The following BMX variants were observed in gnomAD, a reference collection of about 807,000 sequenced individuals.
The protein encoded by BMX is cytoplasmic tyrosine-protein kinase BMX.
BMX carries 31 observed loss-of-function variants against 59.2 expected under a neutral mutation model. The observed-to-expected ratio is 0.52, with a 90% CI of 0.39 to 0.71. The LOEUF (loss-of-function observed/expected upper bound fraction) is 0.71, where lower values mean the gene tolerates loss of function less well. Ranked by LOEUF, BMX falls within the 30% of genes least tolerant of loss-of-function variation. The pLI is 0.00. For missense variants in BMX, 474 were observed against 491.7 expected, an observed-to-expected ratio of 0.96 and a Z score of 0.34; for synonymous variants, 185 against 181.0, an observed-to-expected ratio of 1.02 and a Z score of -0.18.
chrX:15,527,247 AATATATAT>A (rs34046926), intron 9 of BMX, among the ~76,000 whole-genome samples: 23 of 56,362 alleles, frequency 4.1e-4, no homozygotes, highest in African/African-American at 6.2e-4. Context: ...CACACACACA[AATATATAT>A]ATATATATAT....
chrX:15,525,473 A>G, intron 8 of BMX, 108 bp downstream of exon 8: 9 of 787,122 alleles, frequency 1.1e-5, no homozygotes, highest in Non-Finnish European at 1.7e-5. Flanking sequence ...TAAGGTAAAT[A>G]TAAACCAAAA....
intron 6 of BMX, among the ~76,000 whole-genome samples, chrX:15,518,737 G>A (rs186013044): frequency 1.7e-3 from 192 of 111,095 alleles, no homozygotes; most frequent in Non-Finnish European, 2.8e-3. Context: ...AGGAAGATGA[G>A]GTCTAATTAA....
Position 15,526,087 on chromosome X carries a change from T to A in BMX, c.876T>A (p.Asp292Glu). Reference sequence around the variant, plus strand: ...CATCTGAAGAAGAGGAAAACCTGGATGATTATGAGTGAGTATTGAAAGTCT... The same window carrying A: ...CATCTGAAGAAGAGGAAAACCTGGAAGATTATGAGTGAGTATTGAAAGTCT... Reference protein sequence around the residue: ...SSSSEEEENLDDYDWFAGNIS... With the variant: ...SSSSEEEENLEDYDWFAGNIS... The change falls in exon 9 of 19, where the codon GAT (aspartate) becomes GAA (glutamate). Residue 292 changes from aspartate (D) to glutamate (E), a missense_variant. Coordinates refer to ENST00000348343, the MANE Select transcript of BMX (RefSeq NM_203281.3). 1 of 1,204,879 alleles carries A rather than the reference T, an allele frequency of 8.3e-7. No individual in the cohort carries two copies. The highest frequency in any genetic ancestry group is 1.1e-6 in the Non-Finnish European group (1 of 890,345).
intron 12 of BMX, among the ~76,000 whole-genome samples, chrX:15,535,062 G>C (rs1033722980): frequency 2.7e-5 from 3 of 111,779 alleles, no homozygotes; most frequent in Non-Finnish European, 5.7e-5. Flanking sequence ...CAAATCCCTA[G>C]AAATGGAATT....
In BMX at chrX:15,516,196, G is replaced by C; in HGVS notation, c.410G>C (p.Cys137Ser). ...DGKFLCCQQS[C>S]KAAPGCTLWE... ...AAGTTCCTGTGTTGCCAGCAGAGCT[G>C]TAAAGCAGCCCCAGGATGTACCCTC... Residue 137 changes from cysteine (C) to serine (S), a missense_variant, in exon 5 of 19, where the codon TGT becomes TCT. Cys to Ser is a moderately radical substitution (Grantham distance 112, BLOSUM62 -1). Coordinates refer to ENST00000348343, the MANE Select transcript of BMX (RefSeq NM_203281.3). 8.3e-7 allele frequency: 1 copy of C among 1,210,886 alleles called. No individual in the cohort carries two copies. The highest frequency in any genetic ancestry group is 1.1e-6 in the Non-Finnish European group (1 of 894,925).
chrX:15,527,283 T>TATAGAC lies in BMX; in HGVS notation c.884+1189_884+1190insTAGACA, dbSNP rs1285065649. Among the ~76,000 whole-genome samples the TATAGAC allele has an allele frequency of 4.8e-3, 313 of 65,861 alleles. 7 individuals carry two copies. The highest frequency in any genetic ancestry group is 0.02 in the African/African-American group (299 of 14,936). The allele number at this position is 65,861 out of a possible 115,157, so 57.2% of individuals were successfully genotyped here. ...ATATATATATATATATATATATATA[T>TATAGAC]ACACACACACACACACACATATATA... On this transcript the variant is annotated intron_variant, in intron 9 of 18. Transcript: ENST00000348343.
At chrX:15,513,986 T>C (rs1395573131) in intron 4 of BMX, among the ~76,000 whole-genome samples, 1 of 112,087 alleles carries the variant, frequency 8.9e-6, no homozygotes, top group Non-Finnish European at 1.9e-5. Context: ...TGTAAAGTCC[T>C]ATGGATATAT....
intron 1 of BMX, among the ~76,000 whole-genome samples, chrX:15,501,750 G>A (rs1923576356): frequency 9.0e-6 from 1 of 111,568 alleles, no homozygotes; most frequent in African/African-American, 3.3e-5. Flanking sequence ...TTATTTGTAG[G>A]AAATATGGTG....
chrX:15,543,299 C>T (rs1925787433), intron 16 of BMX, among the ~76,000 whole-genome samples, 164 bp downstream of exon 16: 1 of 111,698 alleles, frequency 9.0e-6, no homozygotes, highest in Admixed American at 9.5e-5. Flanking sequence ...TATCTGACGT[C>T]ACTTTTAGTT....
rs756542747 is a variant in BMX, at chrX:15,534,223, G to A, written c.1031G>A (p.Gly344Glu). 3 of 1,159,445 alleles carry A rather than the reference G, an allele frequency of 2.6e-6. No individual in the cohort carries two copies. In the South Asian group the frequency reaches 6.2e-5, roughly 24 times the overall value. ...LFSKAVNDKK[G>E]TVKHYHVHTN... ...CTTTCTGTTACTAGTGATAAAAAAG[G>A]AACTGTCAAACATTACCACGTGCAT... Residue 344 changes from glycine (G) to glutamate (E), a missense_variant, in exon 12 of 19, where the codon GGA becomes GAA. By Grantham distance (98) the Gly-to-Glu change is moderately conservative (BLOSUM62 -2). Transcript: ENST00000348343.
At chrX:15,516,340 G>C in intron 5 of BMX, 109 bp downstream of exon 5, 1 of 1,022,935 alleles carries the variant, frequency 9.8e-7, no homozygotes, top group Non-Finnish European at 1.3e-6. Flanking sequence ...GTGCCAGATT[G>C]GTTGGCATCA....
chrX:15,516,299 G>A, intron 5 of BMX, 68 bp downstream of exon 5: 1 of 1,142,041 alleles, frequency 8.8e-7, no homozygotes, highest in East Asian at 3.0e-5. Context: ...AAACCTGCCA[G>A]AGGCCAGAAG....
At position 15,509,332 on chromosome X, in the gene BMX, A is replaced by T. The variant is rs1312913843; in HGVS notation, c.142A>T (p.Arg48Trp). The change falls in exon 3 of 19, where the codon AGG (arginine) becomes TGG (tryptophan). Residue 48 changes from arginine (R) to tryptophan (W), a missense_variant. Coordinates refer to ENST00000348343, the MANE Select transcript of BMX (RefSeq NM_203281.3). The part of the protein sequence containing the change: ...LSYYEYDKMK[R>W]GSRKGSIEIK... Reference sequence around the variant, plus strand: ...TACATTTTGTTTTTTAATTCAGAAAAGGGGCAGCAGAAAAGGATCCATTGA... The same window carrying T: ...TACATTTTGTTTTTTAATTCAGAAATGGGGCAGCAGAAAAGGATCCATTGA... The T allele has an allele frequency of 8.4e-7, 1 of 1,197,180 alleles. No individual in the cohort carries two copies. Among genetic ancestry groups the T allele is most frequent in the Non-Finnish European group, 1.1e-6 (1 of 888,145 alleles).
chrX:15,514,104 T>C (rs916720150), intron 4 of BMX, among the ~76,000 whole-genome samples: 5 of 111,575 alleles, frequency 4.5e-5, no homozygotes, highest in Non-Finnish European at 9.4e-5. Flanking sequence ...ACCAAATCCA[T>C]GTAGTAAGGA....
intron 4 of BMX, among the ~76,000 whole-genome samples, chrX:15,514,050 T>C (rs1420251225): frequency 2.7e-5 from 3 of 111,649 alleles, no homozygotes; most frequent in African/African-American, 9.8e-5. Flanking sequence ...TGTTGCAATG[T>C]AGACTTTTGG....
rs551167157 is a variant in BMX at position 15,525,796 on chromosome X, C to T, written c.831-246C>T. Among the ~76,000 whole-genome samples, 46 of 112,259 alleles carry T rather than the reference C, an allele frequency of 4.1e-4. 1 individual carries two copies. In the South Asian group the frequency reaches 0.016, roughly 39 times the overall value. ...AAGAAATATAAGTTCTTCTGGGGGC[C>T]TCCTGGGGATCTCCTGTATCAAAGA... On this transcript the variant is annotated intron_variant, in intron 8 of 18. Transcript: ENST00000348343.
At chrX:15,527,012 T>A (rs1466221882) in intron 9 of BMX, among the ~76,000 whole-genome samples, 1 of 107,858 alleles carries the variant, frequency 9.3e-6, no homozygotes, top group Non-Finnish European at 1.9e-5. Flanking sequence ...TAATTAATTG[T>A]TTGTAACTCA....
At chrX:15,548,593 T>C (rs993236639) in intron 17 of BMX, among the ~76,000 whole-genome samples, 2 of 112,197 alleles carry the variant, frequency 1.8e-5, no homozygotes, top group Non-Finnish European at 3.8e-5. Flanking sequence ...CCGTATGCCA[T>C]AGAAGTTGGC....
At chrX:15,527,225 A>AAC (rs1291868139) in intron 9 of BMX, among the ~76,000 whole-genome samples, 1,187 of 53,181 alleles carry the variant, frequency 0.022, 17 homozygotes, top group Non-Finnish European at 0.028. Flanking sequence ...AAACAACACA[A>AAC]ACACACACAC....
Sources: allele counts gnomAD v4.1 joint callset (sites outside exome capture counted in the v4.1 genomes callset), GRCh38; gene constraint gnomAD v4.1.1; transcripts MANE v1.5; gene names NCBI Gene and HGNC (gene_info 2026-07-23, HGNC 2026-07-21).